Variants in UNC5C observed in about 807,000 individuals in gnomAD.
UNC5C encodes netrin receptor UNC5C.
Under a neutral mutation model 99.8 loss-of-function variants are expected in UNC5C, and 47 were observed. The observed-to-expected ratio is 0.47, with a 90% CI of 0.37 to 0.60. The LOEUF is 0.60. UNC5C is among the 20% of genes least tolerant of loss of function. UNC5C has a pLI of 0.00. For synonymous variants in UNC5C, 487 were observed against 452.2 expected (o/e 1.08, Z -0.98); for missense variants, 1,062 against 1,165.9 (o/e 0.91, Z 1.30).
intron 3 of UNC5C, among the ~76,000 whole-genome samples, chr4:95,297,024 C>T (rs1482096842): frequency 1.3e-5 from 2 of 152,138 alleles, no homozygotes; most frequent in Non-Finnish European, 2.9e-5. Context: ...GCCCTGGTTA[C>T]ACATGCTGGT....
chr4:95,199,186 A>C (rs1056265674), intron 12 of UNC5C, among the ~76,000 whole-genome samples: 2 of 152,178 alleles, frequency 1.3e-5, no homozygotes, highest in Admixed American at 1.3e-4. Context: ...TGGTTAGAGA[A>C]GTAGCGAGAT....
intron 1 of UNC5C, among the ~76,000 whole-genome samples, chr4:95,415,948 A>T (rs1282132644): frequency 6.6e-6 from 1 of 152,044 alleles, no homozygotes; most frequent in Non-Finnish European, 1.5e-5. Flanking sequence ...ACTGAAAGAC[A>T]ATTATGTCTC....
intron 2 of UNC5C, among the ~76,000 whole-genome samples, chr4:95,327,975 A>G (rs1436982123): frequency 6.6e-6 from 1 of 150,940 alleles, no homozygotes; most frequent in Non-Finnish European, 1.5e-5. Context: ...GTGGAGGCAA[A>G]GCTAAAATAG....
At chr4:95,179,746 C>CAAAAAA (rs33974336) in intron 14 of UNC5C, among the ~76,000 whole-genome samples, 2 of 98,480 alleles carry the variant, frequency 2.0e-5, no homozygotes, top group African/African-American at 4.8e-5. Context: ...GACTCCTTCT[C>CAAAAAA]AAAAAAAAAA....
intron 4 of UNC5C, among the ~76,000 whole-genome samples, chr4:95,275,728 T>C (rs1348516244): frequency 5.9e-5 from 9 of 152,322 alleles, no homozygotes; most frequent in African/African-American, 1.9e-4. Context: ...GAATTACTGC[T>C]TCCTGACATT....
At chr4:95,303,462 G>A (rs1392868948) in intron 2 of UNC5C, among the ~76,000 whole-genome samples, 1 of 152,022 alleles carries the variant, frequency 6.6e-6, no homozygotes, top group Non-Finnish European at 1.5e-5. Flanking sequence ...GATCACTTGA[G>A]GTAAGGAGTT....
intron 1 of UNC5C, among the ~76,000 whole-genome samples, chr4:95,532,908 T>TA (rs201644746): frequency 0.036 from 4,881 of 136,794 alleles, 95 homozygotes; most frequent in Non-Finnish European, 0.043. Flanking sequence ...TTAGTAAAGC[T>TA]AAAAAAAAAA....
chr4:95,484,894 T>C (rs2149479337), intron 1 of UNC5C, among the ~76,000 whole-genome samples: 1 of 151,990 alleles, frequency 6.6e-6, no homozygotes, highest in Admixed American at 6.6e-5. Context: ...ATTTGACCTA[T>C]TCATGTTATT....
intron 7 of UNC5C, among the ~76,000 whole-genome samples, chr4:95,231,783 C>T (rs1738921133): frequency 6.6e-6 from 1 of 152,192 alleles, no homozygotes. Context: ...CTGTCAAAGA[C>T]ACCCAGGGTC....
chr4:95,474,510 G>A (rs759989413), intron 1 of UNC5C, among the ~76,000 whole-genome samples: 4 of 151,892 alleles, frequency 2.6e-5, no homozygotes, highest in African/African-American at 4.8e-5. Flanking sequence ...GGCTGGTCTC[G>A]AACTCCTGAC....
At position 95,169,196 on chromosome 4, in the gene UNC5C, T is replaced by A; in HGVS notation, c.*38A>T. 1 of 1,609,826 alleles carries A rather than the reference T, an allele frequency of 6.2e-7. No individual in the cohort carries two copies. Among genetic ancestry groups the A allele is most frequent in the Middle Eastern group, 1.7e-4 (1 of 6,044 alleles). On this transcript the variant is annotated 3_prime_UTR_variant, in exon 16 of 16. Coordinates refer to ENST00000453304, the MANE Select transcript of UNC5C (RefSeq NM_003728.4). The stretch of plus-strand genomic sequence containing the variant: ...CACCTGGACGGCCACAGACTCCCTG[T>A]GCATTTTTGTCCTTCATTTCCCCTT...
In UNC5C at chr4:95,494,549, A is replaced by T. The variant is rs147426119; in HGVS notation, c.124+54185T>A. On this transcript the variant is annotated intron_variant, in intron 1 of 15. Transcript: ENST00000453304. The stretch of plus-strand genomic sequence containing the variant: ...AAGTGCACAAATGCCTCTCAAGGAC[A>T]TATCTTTGTTTAAAAGGCCTTCCCA... Among the ~76,000 whole-genome samples the T allele has an allele frequency of 1.4e-4, 21 of 151,598 alleles. No individual in the cohort carries two copies. The South Asian group carries it at 2.1e-3, about 15-fold the overall frequency.
At position 95,526,218 on chromosome 4, in the gene UNC5C, T is replaced by C. The variant is rs76135038; in HGVS notation, c.124+22516A>G. 9.7e-4 allele frequency among the ~76,000 whole-genome samples: 147 copies of C among 152,240 alleles called. 1 individual carries two copies. The East Asian group carries it at 0.021, about 22-fold the overall frequency. ...AGTGTCCTGGTAGGGTGATTATCCA[T>C]CTTGTTTACCCAGGACAATCTCAGT... On this transcript the variant is annotated intron_variant, in intron 1 of 15. Transcript: ENST00000453304.
At chr4:95,419,534 A>C (rs1746260430) in intron 1 of UNC5C, among the ~76,000 whole-genome samples, 1 of 152,214 alleles carries the variant, frequency 6.6e-6, no homozygotes, top group Non-Finnish European at 1.5e-5. Flanking sequence ...AGGATATGCT[A>C]TGGCTCTCAG....
chr4:95,309,352 G>C (rs1228348103), intron 2 of UNC5C, among the ~76,000 whole-genome samples: 1 of 151,774 alleles, frequency 6.6e-6, no homozygotes, highest in African/African-American at 2.4e-5. Flanking sequence ...TAGAGGAAAA[G>C]CTCCTTGACA....
At chr4:95,194,564 G>T (rs28549280) in intron 12 of UNC5C, among the ~76,000 whole-genome samples, 2,371 of 152,026 alleles carry the variant, frequency 0.016, 29 homozygotes, top group Middle Eastern at 0.082. Flanking sequence ...TTTGGCTCAC[G>T]GTCCCCTTCC....
Position 95,171,018 on chromosome 4 carries a change from C to T in UNC5C, c.2452-686G>A, listed in dbSNP as rs146608155. Among the ~76,000 whole-genome samples the T allele has an allele frequency of 6.1e-3, 936 of 152,232 alleles. 2 individuals are homozygous for T. Among genetic ancestry groups the T allele is most frequent in the Non-Finnish European group, 0.01 (707 of 68,010 alleles). On this transcript the variant is annotated intron_variant, in intron 14 of 15. Coordinates refer to ENST00000453304, the MANE Select transcript of UNC5C (RefSeq NM_003728.4). ...AAAAATCTAATTTTAGTAGAGAAAA[C>T]CATAAATTGGCTCTTAAGATAGTCT...
chr4:95,294,892 C>T (rs1464360041), intron 3 of UNC5C, among the ~76,000 whole-genome samples: 1 of 152,118 alleles, frequency 6.6e-6, no homozygotes, highest in Non-Finnish European at 1.5e-5. Flanking sequence ...TAAAATAACT[C>T]TTTTTCATGC....
chr4:95,355,993 C>A (rs887381973), intron 1 of UNC5C, among the ~76,000 whole-genome samples: 1 of 151,612 alleles, frequency 6.6e-6, no homozygotes, highest in African/African-American at 2.4e-5. Context: ...AATTTGAGAC[C>A]AGCATGGGCA....
Sources: allele counts gnomAD v4.1 joint callset (sites outside exome capture counted in the v4.1 genomes callset), GRCh38; gene constraint gnomAD v4.1.1; transcripts MANE v1.5; gene names NCBI Gene and HGNC (gene_info 2026-07-23, HGNC 2026-07-21).